Variants in TNKS1BP1 observed in about 807,000 individuals in gnomAD.
The protein encoded by TNKS1BP1 is 182 kDa tankyrase-1-binding protein.
In TNKS1BP1, 48 loss-of-function variants were observed where a neutral mutation model predicts 141.1. The ratio of observed to expected loss-of-function variants is 0.34; its 90% CI spans 0.27 to 0.43. TNKS1BP1 has a LOEUF of 0.43. TNKS1BP1 is among the 20% of genes least tolerant of loss of function. The pLI is 1.00. For missense variants in TNKS1BP1, 2,149 were observed against 2,226.0 expected (o/e 0.97, Z 0.70); for synonymous variants, 875 against 898.2 (o/e 0.97, Z 0.46).
rs762117803 is a variant in TNKS1BP1, at chr11:57,309,317, C to T, written c.3394G>A (p.Val1132Met). The change falls in exon 6 of 12, where the codon GTG (valine) becomes ATG (methionine). Residue 1132 changes from valine (V) to methionine (M), a missense_variant. Physicochemically the swap from Val to Met is conservative, Grantham distance 21 (BLOSUM62 1). Coordinates refer to ENST00000358252, the MANE Select transcript of TNKS1BP1 (RefSeq NM_033396.3). The surrounding 1 kb of genome is among the most constrained non-coding windows in gnomAD (Gnocchi z 4.3). ...YQFGIIGNDR[V>M]SGAGFSPSSK... The stretch of plus-strand genomic sequence containing the variant: ...GAAGGGCTAAAGCCAGCACCACTCA[C>T]TCTGTCGTTGCCAATGATGCCAAAC... The T allele has an allele frequency of 1.9e-6, 3 of 1,614,204 alleles. No individual in the cohort carries two copies. In the East Asian group the frequency reaches 6.7e-5, roughly 36 times the overall value.
At position 57,301,026 on chromosome 11, in the gene TNKS1BP1, G is replaced by T. The variant is rs149950386; in HGVS notation, c.4987C>A (p.Arg1663=). Residue 1663 remains arginine (R), a synonymous_variant, in exon 10 of 12, where the codon CGG becomes AGG. Coordinates refer to ENST00000358252, the MANE Select transcript of TNKS1BP1 (RefSeq NM_033396.3). ...TCTCCCTCCTCAGCTGAGCGATTCC[G>T]GGGGCGCAGCTTGGCCTGAGAAGCA... ...PSALKAKLRP[R]NRSAEEGELA... 3 of 1,611,752 alleles carry T rather than the reference G, an allele frequency of 1.9e-6. No homozygotes were observed. The African/African-American group carries it at 4.0e-5, about 22-fold the overall frequency.
Position 57,302,570 on chromosome 11 carries a change from G to A in TNKS1BP1, c.4572C>T (p.Thr1524=), listed in dbSNP as rs1266780167. 6.2e-7 allele frequency: 1 copy of A among 1,613,128 alleles called. No homozygotes were observed. The highest frequency in any genetic ancestry group is 8.5e-7 in the Non-Finnish European group (1 of 1,179,932). Residue 1524 remains threonine, a synonymous_variant, in exon 7 of 12, where the codon ACC becomes ACT. Coordinates refer to ENST00000358252, the MANE Select transcript of TNKS1BP1 (RefSeq NM_033396.3). The surrounding 1 kb of genome is among the most constrained non-coding windows in gnomAD (Gnocchi z 5.5). ...TCCACCTGGCTGCTGAAGAGCCCCA[G>A]GTGCCATCCACGTCTTCTGTCTGGC... The part of the protein sequence containing the change: ...EASQTEDVDG[T]WGSSAARWSD...
chr11:57,302,137 C>T lies in TNKS1BP1; in HGVS notation c.4771G>A (p.Gly1591Arg). The part of the protein sequence containing the change: ...RGHRAPVIRP[G>R]GTLGLSEAAD... ...GCCTCCGACAGGCCCAAGGTACCCC[C>T]AGGCCGAATGACCGGGGCCCGGTGC... is the stretch of plus-strand genomic sequence containing the variant. The change falls in exon 8 of 12, where the codon GGG becomes AGG. Residue 1591 changes from glycine (G) to arginine (R), a missense_variant. Coordinates refer to ENST00000358252, the MANE Select transcript of TNKS1BP1 (RefSeq NM_033396.3). This position sits in a 1 kb window ranked among gnomAD's most constrained non-coding sequence, Gnocchi z 5.5. 1.9e-6 allele frequency: 3 copies of T among 1,613,890 alleles called. No individual in the cohort carries two copies. Among genetic ancestry groups the T allele is most frequent in the East Asian group, 4.5e-5 (2 of 44,880 alleles).
In TNKS1BP1 at chr11:57,302,532, G is replaced by A; in HGVS notation, c.4610C>T (p.Pro1537Leu). Residue 1537 changes from proline (P) to leucine (L), a missense_variant, in exon 7 of 12, where the codon CCA becomes CTA. Transcript: ENST00000358252. This position sits in a 1 kb window ranked among gnomAD's most constrained non-coding sequence, Gnocchi z 5.5. ...GGAGGGTCGCCGAGAAGTCTGTGCT[G>A]GCCCCTGATCGCTCCACCTGGCTGC... ...SSAARWSDQG[P>L]AQTSRRPSQG... The A allele has an allele frequency of 6.2e-7, 1 of 1,613,044 alleles. No individual in the cohort carries two copies. Among genetic ancestry groups the A allele is most frequent in the Middle Eastern group, 1.7e-4 (1 of 6,028 alleles).
Position 57,309,807 on chromosome 11 carries a change from C to T in TNKS1BP1, c.2904G>A (p.Arg968=), listed in dbSNP as rs1855675866. 6.2e-7 allele frequency: 1 copy of T among 1,614,078 alleles called. No homozygotes were observed. Among genetic ancestry groups the T allele is most frequent in the South Asian group, 1.1e-5 (1 of 91,078 alleles). Residue 968 remains arginine (R), a synonymous_variant, in exon 6 of 12, where the codon AGG becomes AGA. Coordinates refer to ENST00000358252, the MANE Select transcript of TNKS1BP1 (RefSeq NM_033396.3). This position sits in a 1 kb window ranked among gnomAD's most constrained non-coding sequence, Gnocchi z 4.3. ...AGCTTCTGTCCTGGGCGTCAAGGGT[C>T]CTGGAGCTGCCACCACTGCTGTAGT... is the stretch of plus-strand genomic sequence containing the variant. The part of the protein sequence containing the change: ...IRDYSSGGSS[R]TLDAQDRSFG...
At chr11:57,307,176 T>C (rs1311730823) in intron 6 of TNKS1BP1, among the ~76,000 whole-genome samples, 11 of 152,084 alleles carry the variant, frequency 7.2e-5, no homozygotes, top group Admixed American at 6.6e-4. Context: ...ACGCCAAGCC[T>C]GGACTCTCCC....
intron 6 of TNKS1BP1, 152 bp downstream of exon 6, chr11:57,308,243 G>T: frequency 1.9e-6 from 2 of 1,077,596 alleles, no homozygotes; most frequent in Non-Finnish European, 2.6e-6. Flanking sequence ...TTTTTAAGTA[G>T]AACTAAAAAT....
intron 1 of TNKS1BP1, chr11:57,322,214 G>C (rs919476347): frequency 3.6e-6 from 4 of 1,121,898 alleles, no homozygotes; most frequent in Non-Finnish European, 4.4e-6. Flanking sequence ...CCTCTGACAA[G>C]CTCTCCAAGA....
intron 6 of TNKS1BP1, among the ~76,000 whole-genome samples, chr11:57,305,759 A>C (rs11602501): frequency 0.52 from 78,502 of 151,948 alleles, 22,428 homozygotes; most frequent in African/African-American, 0.78. Flanking sequence ...TTTGTGAGGA[A>C]CAATTAACAA....
Position 57,302,502 on chromosome 11 carries a change from C to T in TNKS1BP1, c.4640G>A (p.Gly1547Asp). The T allele has an allele frequency of 1.2e-6, 2 of 1,610,578 alleles. No homozygotes were observed. Among genetic ancestry groups the T allele is most frequent in the Non-Finnish European group, 1.7e-6 (2 of 1,178,052 alleles). ...PAQTSRRPSQ[G>D]PPARSPSQDF... ...CTGACTGGGGGATCTGGCAGGAGGG[C>T]CTTGGGAGGGTCGCCGAGAAGTCTG... Residue 1547 changes from glycine to aspartate, a missense_variant, in exon 7 of 12, where the codon GGC becomes GAC. Transcript: ENST00000358252. The surrounding 1 kb of genome is among the most constrained non-coding windows in gnomAD (Gnocchi z 5.5).
Position 57,320,603 on chromosome 11 carries a change from G to A in TNKS1BP1, c.204C>T (p.Pro68=). 6.2e-7 allele frequency: 1 copy of A among 1,613,870 alleles called. No homozygotes were observed. Among genetic ancestry groups the A allele is most frequent in the Non-Finnish European group, 8.5e-7 (1 of 1,180,000 alleles). ...AAGGCAACTCAGCCAGGGGACCCCG[G>A]GGAGGCCGAGGCCCAACAGGCACCA... ...SLLVPVGPRP[P]RGPLAELPSA... Residue 68 remains proline, a synonymous_variant, in exon 3 of 12, where the codon CCC becomes CCT. Coordinates refer to ENST00000358252, the MANE Select transcript of TNKS1BP1 (RefSeq NM_033396.3).
At position 57,320,145 on chromosome 11, in the gene TNKS1BP1, G is replaced by A. The variant is rs778028760; in HGVS notation, c.662C>T (p.Ser221Phe). The A allele has an allele frequency of 2.5e-6, 4 of 1,614,138 alleles. No homozygotes were observed. The highest frequency in any genetic ancestry group is 3.4e-6 in the Non-Finnish European group (4 of 1,180,026). The change falls in exon 3 of 12, where the codon TCC becomes TTC. Residue 221 changes from serine to phenylalanine, a missense_variant. Coordinates refer to ENST00000358252, the MANE Select transcript of TNKS1BP1 (RefSeq NM_033396.3). The stretch of plus-strand genomic sequence containing the variant: ...TGGAGACTTTACTGGCCCCTCCTGG[G>A]ACCATCCCCTGAAGAGGGTGCTGCC... ...EDGSTLFRGW[S>F]QEGPVKSPAE...
In TNKS1BP1 at chr11:57,313,169, C is replaced by A; in HGVS notation, c.1519G>T (p.Ala507Ser). ...AAGTTGCCAGCCTCAGCAGCCTCGG[C>A]GGCCTCACTGGCTTCAGTGATGGGG... is the stretch of plus-strand genomic sequence containing the variant. ...PSPITEASEA[A>S]EAAEAGNLAV... is the part of the protein sequence containing the mutation. Residue 507 changes from alanine (A) to serine (S), a missense_variant, in exon 5 of 12, where the codon GCC becomes TCC. Coordinates refer to ENST00000358252, the MANE Select transcript of TNKS1BP1 (RefSeq NM_033396.3). 1 of 1,612,834 alleles carries A rather than the reference C, an allele frequency of 6.2e-7. No homozygotes were observed. The highest frequency in any genetic ancestry group is 1.1e-5 in the South Asian group (1 of 91,088).
At chr11:57,324,123 G>C (rs1483560856) in intron 1 of TNKS1BP1, among the ~76,000 whole-genome samples, 1 of 152,254 alleles carries the variant, frequency 6.6e-6, no homozygotes, top group Admixed American at 6.5e-5. Flanking sequence ...CTCCAGAAGG[G>C]CTGGGCAGCT....
In TNKS1BP1 at chr11:57,313,243, G is replaced by C; in HGVS notation, c.1445C>G (p.Thr482Arg). 6.2e-7 allele frequency: 1 copy of C among 1,612,880 alleles called. No homozygotes were observed. Among genetic ancestry groups the C allele is most frequent in the Non-Finnish European group, 8.5e-7 (1 of 1,180,008 alleles). ...LSQSFEWTFP[T>R]RPSGLGVWRL... Reference sequence around the variant, plus strand: ...CCACACGCCCAGACCCGAGGGCCTCGTGGGGAAGGTCCATTCGAAGGACTG... The same window carrying C: ...CCACACGCCCAGACCCGAGGGCCTCCTGGGGAAGGTCCATTCGAAGGACTG... The change falls in exon 5 of 12, where the codon ACG becomes AGG. Residue 482 changes from threonine to arginine, a missense_variant. Coordinates refer to ENST00000358252, the MANE Select transcript of TNKS1BP1 (RefSeq NM_033396.3).
rs147510384 is a variant in TNKS1BP1 at position 57,313,170 on chromosome 11, G to A, written c.1518C>T (p.Ala506=). 2.0e-5 allele frequency: 32 copies of A among 1,612,848 alleles called. No homozygotes were observed. Among genetic ancestry groups the A allele is most frequent in the South Asian group, 1.1e-4 (10 of 91,080 alleles). ...AGTTGCCAGCCTCAGCAGCCTCGGC[G>A]GCCTCACTGGCTTCAGTGATGGGGG... ...PPSPITEASE[A]AEAAEAGNLA... The change falls in exon 5 of 12, where the codon GCC becomes GCT. Residue 506 remains alanine (A), a synonymous_variant. Coordinates refer to ENST00000358252, the MANE Select transcript of TNKS1BP1 (RefSeq NM_033396.3).
Position 57,309,925 on chromosome 11 carries a change from T to G in TNKS1BP1, c.2786A>C (p.Glu929Ala), listed in dbSNP as rs2134357380. Residue 929 changes from glutamate to alanine, a missense_variant, in exon 6 of 12, where the codon GAG (glutamate) becomes GCG (alanine). Transcript: ENST00000358252. The surrounding 1 kb of genome is among the most constrained non-coding windows in gnomAD (Gnocchi z 4.3). ...SSQDADEQDW[E>A]FQKRDVSLGT... ...GAGTGACACATCTCTCTTCTGAAAC[T>G]CCCAGTCCTGCTCATCGGCATCCTG... is the stretch of plus-strand genomic sequence containing the variant. The G allele has an allele frequency of 1.2e-6, 2 of 1,614,104 alleles. No individual in the cohort carries two copies. Among genetic ancestry groups the G allele is most frequent in the Middle Eastern group, 1.6e-4 (1 of 6,062 alleles).
intron 5 of TNKS1BP1, 121 bp downstream of exon 5, chr11:57,312,413 T>TGCCTTGCTCACTACCACAGCC (rs1855726526): frequency 1.8e-6 from 2 of 1,137,704 alleles, no homozygotes; most frequent in Admixed American, 5.8e-5. Context: ...GGTCCACAGC[T>TGCCTTGCTCACTACCACAGCC]GCCTTGCTCA....
intron 1 of TNKS1BP1, among the ~76,000 whole-genome samples, chr11:57,323,935 G>A (rs975066431): frequency 5.3e-5 from 8 of 152,154 alleles, no homozygotes; most frequent in Non-Finnish European, 1.2e-4. Context: ...AGAGTCCCCA[G>A]GTGCGGAGGT....
Sources: allele counts gnomAD v4.1 joint callset (sites outside exome capture counted in the v4.1 genomes callset), GRCh38; gene constraint gnomAD v4.1.1; non-coding constraint Gnocchi (gnomAD v3.1); transcripts MANE v1.5; gene names NCBI Gene and HGNC (gene_info 2026-07-23, HGNC 2026-07-21).